PARD3B: variants seen among roughly 807,000 people sequenced by gnomAD.
The protein encoded by PARD3B is par-3 family cell polarity regulator beta, also known as partitioning defective 3 homolog B.
Under a neutral mutation model 130.2 loss-of-function variants are expected in PARD3B, and 103 were observed. The ratio of observed to expected loss-of-function variants is 0.79; its 90% CI spans 0.67 to 0.93. PARD3B has a LOEUF of 0.93. Among genes scored for constraint, PARD3B ranks in the 40% least tolerant of loss-of-function variants. The probability of loss-of-function intolerance (pLI) is 0.00; values close to 1 mark genes in which losing one functional copy is unlikely to be tolerated. For missense variants in PARD3B, 1,609 were observed against 1,499.2 expected (o/e 1.07, Z -1.21); for synonymous variants, 583 against 553.2 (o/e 1.05, Z -0.76).
intron 2 of PARD3B, among the ~76,000 whole-genome samples, chr2:204,864,325 A>G (rs1251341558): frequency 6.6e-6 from 1 of 152,186 alleles, no homozygotes; most frequent in East Asian, 1.9e-4. Flanking sequence ...TAAACTTCTT[A>G]CCTGGGACTT....
At chr2:204,884,323 C>T (rs1458854279) in intron 2 of PARD3B, among the ~76,000 whole-genome samples, 1 of 152,142 alleles carries the variant, frequency 6.6e-6, no homozygotes, top group Non-Finnish European at 1.5e-5. Context: ...AATTTGAATG[C>T]TTTCAAATAG....
At chr2:205,056,980 G>A (rs1295029697) in intron 4 of PARD3B, among the ~76,000 whole-genome samples, 1 of 148,422 alleles carries the variant, frequency 6.7e-6, no homozygotes, top group Non-Finnish European at 1.5e-5. Flanking sequence ...GCATCAAAGC[G>A]ATTGATATTG....
chr2:205,021,650 CTATATATA>C lies in PARD3B; in HGVS notation c.395-25922_395-25915del, dbSNP rs921684966. ...TCTCTTTCTCTCTCTCTCTCTCTCT[CTATATATA>C]TATATATAGTTAATCTTTTCAATGA... On this transcript the variant is annotated intron_variant, in intron 3 of 22. Coordinates refer to ENST00000406610, the MANE Select transcript of PARD3B (RefSeq NM_001302769.2). This position sits in a 1 kb window ranked among gnomAD's most constrained non-coding sequence, Gnocchi z 4.5. Among the ~76,000 whole-genome samples, 1 of 98,234 alleles carries C rather than the reference CTATATATA, an allele frequency of 1.0e-5. No homozygotes were observed. Among genetic ancestry groups the C allele is most frequent in the Admixed American group, 1.3e-4 (1 of 7,840 alleles). The allele number at this position is 98,234 out of a possible 152,430, so 64.4% of individuals were successfully genotyped here. A position where few individuals can be genotyped will look rare whatever the true frequency, so the allele number is the denominator to read the frequency against.
At chr2:205,043,629 A>T (rs1698540057) in intron 3 of PARD3B, among the ~76,000 whole-genome samples, 1 of 152,096 alleles carries the variant, frequency 6.6e-6, no homozygotes, top group African/African-American at 2.4e-5. Flanking sequence ...TAACACTGGA[A>T]GCCTCTATGA....
intron 20 of PARD3B, among the ~76,000 whole-genome samples, chr2:205,452,685 A>G (rs1417750685): frequency 6.6e-6 from 1 of 152,160 alleles, no homozygotes; most frequent in African/African-American, 2.4e-5. Flanking sequence ...TGATGTTCTC[A>G]TTAATTTTTT....
chr2:204,647,364 A>G (rs1191687625), intron 1 of PARD3B, among the ~76,000 whole-genome samples: 1 of 151,174 alleles, frequency 6.6e-6, no homozygotes, highest in Non-Finnish European at 1.5e-5. Context: ...GTTTTGTTAT[A>G]CATGTATTTT....
chr2:205,610,587 T>C (rs1262680683), intron 22 of PARD3B, among the ~76,000 whole-genome samples: 1 of 152,168 alleles, frequency 6.6e-6, no homozygotes, highest in African/African-American at 2.4e-5. Flanking sequence ...GTCAGAGAAA[T>C]TGAATCCCAG....
chr2:205,073,652 T>A (rs889919153), intron 4 of PARD3B, among the ~76,000 whole-genome samples: 8 of 152,182 alleles, frequency 5.3e-5, no homozygotes, highest in Non-Finnish European at 1.5e-5. Flanking sequence ...TTTTTAGACC[T>A]GATTATGTTT....
chr2:204,666,224 T>G (rs2036016444), intron 1 of PARD3B, among the ~76,000 whole-genome samples: 1 of 152,114 alleles, frequency 6.6e-6, no homozygotes, highest in African/African-American at 2.4e-5. Context: ...AAATAATAGA[T>G]GTAATCAAAA....
At chr2:204,989,822 T>C (rs945165256) in intron 3 of PARD3B, among the ~76,000 whole-genome samples, 1 of 152,158 alleles carries the variant, frequency 6.6e-6, no homozygotes, top group Non-Finnish European at 1.5e-5. Flanking sequence ...GTTTCCTTTT[T>C]TAAAAAAATG....
At chr2:205,377,856 C>T (rs1244483971) in intron 18 of PARD3B, among the ~76,000 whole-genome samples, 2 of 149,826 alleles carry the variant, frequency 1.3e-5, no homozygotes, top group African/African-American at 5.0e-5. Context: ...CTGCAACCTC[C>T]GTCTTCTGGG....
At chr2:205,171,881 G>A (rs2035192344) in intron 11 of PARD3B, among the ~76,000 whole-genome samples, 1 of 152,182 alleles carries the variant, frequency 6.6e-6, no homozygotes, top group Non-Finnish European at 1.5e-5. Flanking sequence ...TCAACAACAT[G>A]GTCTCCGCCA....
chr2:205,058,028 C>G (rs1429092384), intron 4 of PARD3B, among the ~76,000 whole-genome samples: 1 of 151,716 alleles, frequency 6.6e-6, no homozygotes, highest in Non-Finnish European at 1.5e-5. Context: ...TCTTCACCTT[C>G]CAACACTGAA....
chr2:205,301,769 CTG>C lies in PARD3B; in HGVS notation c.2630+70_2630+71del, dbSNP rs1379520386. 1.2e-6 allele frequency: 2 copies of C among 1,613,652 alleles called. No homozygotes were observed. The highest frequency in any genetic ancestry group is 1.7e-6 in the Non-Finnish European group (2 of 1,179,578). On this transcript the variant is annotated intron_variant, in intron 18 of 22. Coordinates refer to ENST00000406610, the MANE Select transcript of PARD3B (RefSeq NM_001302769.2). This position sits in a 1 kb window ranked among gnomAD's most constrained non-coding sequence, Gnocchi z 5.2. ...TCTCCTGGTAAAATCACTCCTTTGTCTGTACTCAGAAAAAAGCGCACGCTTTT... is the reference window on the plus strand; with the variant it reads ...TCTCCTGGTAAAATCACTCCTTTGTCTACTCAGAAAAAAGCGCACGCTTTT...
At chr2:204,749,886 A>G (rs1233946908) in intron 2 of PARD3B, among the ~76,000 whole-genome samples, 2 of 152,204 alleles carry the variant, frequency 1.3e-5, no homozygotes, top group Non-Finnish European at 2.9e-5. Flanking sequence ...TTTAATGTCT[A>G]ATAAGATAAA....
chr2:205,286,421 G>A (rs2041398786), intron 16 of PARD3B, among the ~76,000 whole-genome samples: 1 of 152,100 alleles, frequency 6.6e-6, no homozygotes, highest in South Asian at 2.1e-4. Flanking sequence ...TGTAGAAACT[G>A]AAGCCCAGAT....
chr2:205,237,461 T>C (rs72940308), intron 15 of PARD3B, among the ~76,000 whole-genome samples: 9,492 of 152,302 alleles, frequency 0.062, 454 homozygotes, highest in East Asian at 0.25. Context: ...AAAAGCAATT[T>C]TTAAAGCTAG....
chr2:204,988,962 ATATT>A (rs1693410932), intron 3 of PARD3B, among the ~76,000 whole-genome samples: 1 of 152,246 alleles, frequency 6.6e-6, no homozygotes, highest in African/African-American at 2.4e-5. Flanking sequence ...TAAATGAGAA[ATATT>A]TATCAGGTAC....
intron 21 of PARD3B, among the ~76,000 whole-genome samples, chr2:205,529,745 T>C (rs569317667): frequency 1.3e-5 from 2 of 152,354 alleles, no homozygotes; most frequent in Non-Finnish European, 2.9e-5. Flanking sequence ...TATTTTCCCT[T>C]TTTCTTATGG....
Sources: allele counts gnomAD v4.1 joint callset (sites outside exome capture counted in the v4.1 genomes callset), GRCh38; gene constraint gnomAD v4.1.1; non-coding constraint Gnocchi (gnomAD v3.1); transcripts MANE v1.5; gene names NCBI Gene and HGNC (gene_info 2026-07-23, HGNC 2026-07-21).